Variants in ASCC3 observed in about 807,000 individuals in gnomAD.
The protein encoded by ASCC3 is ASC-1 complex subunit P200.
In ASCC3, 158 loss-of-function variants were observed where a neutral mutation model predicts 256.3. That is an observed-to-expected ratio of 0.62 (90% confidence interval 0.54 to 0.70). ASCC3 has a LOEUF of 0.70. Ranked by LOEUF, ASCC3 falls within the 30% of genes least tolerant of loss-of-function variation. ASCC3 has a pLI of 0.00. For synonymous variants in ASCC3, 948 were observed against 883.4 expected, an observed-to-expected ratio of 1.07 and a Z score of -1.30; for missense variants, 2,259 against 2,626.0, an observed-to-expected ratio of 0.86 and a Z score of 3.05.
chr6:100,812,495 T>A (rs1253140374), intron 4 of ASCC3, among the ~76,000 whole-genome samples: 15 of 144,908 alleles, frequency 1.0e-4, no homozygotes, highest in Non-Finnish European at 2.0e-4. Flanking sequence ...GATAGCACTT[T>A]AAAAAAAAAA....
At chr6:100,740,508 A>T (rs917002766) in intron 10 of ASCC3, among the ~76,000 whole-genome samples, 1 of 152,128 alleles carries the variant, frequency 6.6e-6, no homozygotes, top group South Asian at 2.1e-4. Context: ...AGTCTCAGTG[A>T]TCTGTCTAAA....
chr6:100,512,627 A>G (rs962509950), intron 40 of ASCC3, 82 bp downstream of exon 40: 13 of 1,349,886 alleles, frequency 9.6e-6, no homozygotes, highest in Non-Finnish European at 1.3e-5. Flanking sequence ...ACACGGGCAC[A>G]TTAGTCACAT....
intron 14 of ASCC3, among the ~76,000 whole-genome samples, chr6:100,665,447 G>A (rs1330145959): frequency 2.0e-5 from 3 of 152,018 alleles, no homozygotes; most frequent in South Asian, 2.1e-4. Context: ...GAATCTGGCC[G>A]GGCACAGTGG....
chr6:100,715,166 T>C (rs1779031686), intron 13 of ASCC3: 1 of 212,162 alleles, frequency 4.7e-6, no homozygotes, highest in Admixed American at 5.4e-5. Flanking sequence ...AACTTTATTA[T>C]ATATATTACA....
chr6:100,557,287 G>A (rs116945534), intron 36 of ASCC3, among the ~76,000 whole-genome samples: 2,338 of 152,140 alleles, frequency 0.015, 24 homozygotes, highest in East Asian at 0.045. Context: ...ATACAGCTAC[G>A]AATTTCCCTT....
chr6:100,555,548 T>C (rs1236873357), intron 36 of ASCC3, among the ~76,000 whole-genome samples: 1 of 152,178 alleles, frequency 6.6e-6, no homozygotes, highest in Non-Finnish European at 1.5e-5. Flanking sequence ...AGCAGGTCTG[T>C]TGTACTTAAA....
rs543895151 is a variant in ASCC3, at chr6:100,625,438, T to A, written c.4643-104A>T. 12 of 1,342,736 alleles carry A rather than the reference T, an allele frequency of 8.9e-6. No homozygotes were observed. The South Asian group carries it at 1.4e-4, about 16-fold the overall frequency. The allele number at this position is 1,342,736 out of a possible 1,614,324, so 83.2% of individuals were successfully genotyped here. On this transcript the variant is annotated intron_variant, in intron 29 of 41. Coordinates refer to ENST00000369162, the MANE Select transcript of ASCC3 (RefSeq NM_006828.4). ...ACATGAAAACTAATGATGTAAACAA[T>A]TTAGGCATGAAATGTGGCATTATTG...
At chr6:100,775,453 A>T (rs563387651) in intron 8 of ASCC3, among the ~76,000 whole-genome samples, 98 of 152,214 alleles carry the variant, frequency 6.4e-4, no homozygotes, top group African/African-American at 2.3e-3. Flanking sequence ...CCCTGCTAAT[A>T]AATTGTGGCC....
At chr6:100,652,267 A>G (rs1359270878) in intron 18 of ASCC3, among the ~76,000 whole-genome samples, 2 of 152,174 alleles carry the variant, frequency 1.3e-5, no homozygotes, top group East Asian at 3.8e-4. Flanking sequence ...AAATGAGTGG[A>G]TGTGAATAGG....
chr6:100,534,630 T>G lies in ASCC3; in HGVS notation c.5775+5533A>C, dbSNP rs542192178. 8.5e-5 allele frequency among the ~76,000 whole-genome samples: 13 copies of G among 152,352 alleles called. No homozygotes were observed. In the East Asian group the frequency reaches 2.3e-3, roughly 27 times the overall value. On this transcript the variant is annotated intron_variant, in intron 37 of 41. Coordinates refer to ENST00000369162, the MANE Select transcript of ASCC3 (RefSeq NM_006828.4). ...AAAATTGAGATATGCATAGTAATTTTGACATTTATTTTTGTTAAGGGGGAT... is the reference window on the plus strand; with the variant it reads ...AAAATTGAGATATGCATAGTAATTTGGACATTTATTTTTGTTAAGGGGGAT...
rs561207540 is a variant in ASCC3, at chr6:100,518,828, A to T, written c.5776-686T>A. 2.0e-5 allele frequency among the ~76,000 whole-genome samples: 3 copies of T among 152,282 alleles called. No individual in the cohort carries two copies. The East Asian group carries it at 5.8e-4, about 29-fold the overall frequency. ...AAGTTTACACAGGCAAAGCTATTTCAATTAAATTAGATTCTGGAGAATGCT... is the reference window on the plus strand; with the variant it reads ...AAGTTTACACAGGCAAAGCTATTTCTATTAAATTAGATTCTGGAGAATGCT... On this transcript the variant is annotated intron_variant, in intron 37 of 41. Transcript: ENST00000369162.
chr6:100,601,941 T>C lies in ASCC3; in HGVS notation c.5178-6A>G, dbSNP rs747662523. On this transcript the variant is annotated splice_region_variant and splice_polypyrimidine_tract_variant and intron_variant, in intron 33 of 41. Transcript: ENST00000369162. ...CAGAGAGCACTCCTAATAAACTATA[T>C]AGTGAACAAGACATGGGAAGCATAC... 5 of 1,611,400 alleles carry C rather than the reference T, an allele frequency of 3.1e-6. No individual in the cohort carries two copies. The South Asian group carries it at 3.3e-5, about 11-fold the overall frequency.
chr6:100,732,274 C>T (rs907686511), intron 10 of ASCC3, among the ~76,000 whole-genome samples: 6 of 151,886 alleles, frequency 4.0e-5, no homozygotes, highest in African/African-American at 1.4e-4. Flanking sequence ...AAAAAAGACT[C>T]AAAATAATAA....
intron 36 of ASCC3, among the ~76,000 whole-genome samples, chr6:100,583,435 C>A (rs967102629): frequency 2.0e-5 from 3 of 152,042 alleles, no homozygotes; most frequent in South Asian, 2.1e-4. Context: ...GTGGTGATAT[C>A]CCCTTTATCA....
Position 100,799,479 on chromosome 6 carries a change from A to C in ASCC3, c.1221T>G (p.Asp407Glu). Residue 407 changes from aspartate (D) to glutamate (E), a missense_variant, in exon 7 of 42, where the codon GAT (aspartate) becomes GAG (glutamate). By Grantham distance (45) the Asp-to-Glu change is conservative. Around this residue, in one of 2 missense-constraint regions of ASCC3, gnomAD observed 1,839 missense variants for 2,206.7 expected, o/e 0.83. Coordinates refer to ENST00000369162, the MANE Select transcript of ASCC3 (RefSeq NM_006828.4). ...ATGTTTTCATGGCTTCAGCCTGGGA[A>C]TCATACACATGGGGATAATGTATTT... ...VEKIHYPHVYDSQAEAMKTSA... is the reference protein window; with the variant it reads ...VEKIHYPHVYESQAEAMKTSA... 2 of 1,613,170 alleles carry C rather than the reference A, an allele frequency of 1.2e-6. No homozygotes were observed. The highest frequency in any genetic ancestry group is 1.7e-6 in the Non-Finnish European group (2 of 1,179,512).
intron 4 of ASCC3, among the ~76,000 whole-genome samples, chr6:100,833,616 A>G (rs955878394): frequency 6.6e-6 from 1 of 152,202 alleles, no homozygotes; most frequent in Non-Finnish European, 1.5e-5. Context: ...CTGCTCCAAA[A>G]ATTAGTTTAT....
At chr6:100,644,152 C>T (rs760145404) in intron 22 of ASCC3, 23 bp from the exon 23 acceptor site, 1 of 1,489,698 alleles carries the variant, frequency 6.7e-7, no homozygotes, top group South Asian at 1.1e-5. Context: ...TAGCATCCTG[C>T]TACTATGCAT....
intron 4 of ASCC3, among the ~76,000 whole-genome samples, chr6:100,821,859 TA>T (rs1771062780): frequency 6.6e-6 from 1 of 151,700 alleles, no homozygotes; most frequent in African/African-American, 2.4e-5. Context: ...AATGAAGTAA[TA>T]AACAACATGA....
intron 11 of ASCC3, among the ~76,000 whole-genome samples, chr6:100,720,280 G>A (rs1026641417): frequency 3.9e-5 from 6 of 151,938 alleles, no homozygotes; most frequent in Non-Finnish European, 7.4e-5. Flanking sequence ...TTATAAGGAA[G>A]ATCATCATAA....
Sources: allele counts gnomAD v4.1 joint callset (sites outside exome capture counted in the v4.1 genomes callset), GRCh38; gene constraint gnomAD v4.1.1; regional missense constraint gnomAD v4.1.1; transcripts MANE v1.5; gene names NCBI Gene and HGNC (gene_info 2026-07-23, HGNC 2026-07-21).